The following RARRES1 variants were observed in gnomAD, a reference collection of about 807,000 sequenced individuals.
RARRES1 encodes retinoic acid receptor responder 1, also known as retinoic acid receptor responder protein 1.
Under a neutral mutation model 30.6 loss-of-function variants are expected in RARRES1, and 34 were observed. That is an observed-to-expected ratio of 1.11 (90% CI 0.84 to 1.48). RARRES1 has a LOEUF of 1.48. Ranked by LOEUF, RARRES1 falls within the 40% of genes most tolerant of loss-of-function variation. The pLI is 0.00. For synonymous variants in RARRES1, 153 were observed against 155.5 expected, an observed-to-expected ratio of 0.98 and a Z score of 0.12; for missense variants, 373 against 386.5, an observed-to-expected ratio of 0.97 and a Z score of 0.29.
intron 1 of RARRES1, among the ~76,000 whole-genome samples, chr3:158,727,340 G>A (rs1198603984): frequency 1.3e-5 from 2 of 152,196 alleles, no homozygotes; most frequent in African/African-American, 4.8e-5. Flanking sequence ...CTTTGATCAA[G>A]TGTTTAAAGT....
intron 1 of RARRES1, among the ~76,000 whole-genome samples, chr3:158,729,862 C>G (rs1023441820): frequency 6.6e-6 from 1 of 152,148 alleles, no homozygotes; most frequent in African/African-American, 2.4e-5. Context: ...AATCCTGCCC[C>G]TGGTAACCAG....
chr3:158,707,066 GGCTGAA>G (rs915843929), intron 3 of RARRES1, among the ~76,000 whole-genome samples: 2 of 152,156 alleles, frequency 1.3e-5, no homozygotes, highest in African/African-American at 4.8e-5. Flanking sequence ...ATACTCTGGA[GGCTGAA>G]GCAGGAGAAT....
intron 1 of RARRES1, among the ~76,000 whole-genome samples, chr3:158,729,729 G>C (rs1727810878): frequency 6.6e-6 from 1 of 152,100 alleles, no homozygotes; most frequent in Non-Finnish European, 1.5e-5. Flanking sequence ...TGAGATTACA[G>C]GCGTGAGCCA....
At chr3:158,707,913 A>C (rs1317781658) in intron 3 of RARRES1, among the ~76,000 whole-genome samples, 2 of 152,218 alleles carry the variant, frequency 1.3e-5, no homozygotes, top group East Asian at 1.9e-4. Flanking sequence ...GAGGATTTCC[A>C]GTACTCTTCA....
chr3:158,724,165 T>C (rs1727601888), intron 1 of RARRES1, among the ~76,000 whole-genome samples: 2 of 151,808 alleles, frequency 1.3e-5, no homozygotes, highest in South Asian at 4.2e-4. Context: ...AGACAGGAGG[T>C]GGGAGCAAGA....
intron 1 of RARRES1, among the ~76,000 whole-genome samples, chr3:158,722,922 C>T (rs912345120): frequency 6.6e-6 from 1 of 151,824 alleles, no homozygotes; most frequent in Non-Finnish European, 1.5e-5. Flanking sequence ...TTTAAACTCT[C>T]TCAAAACACC....
intron 4 of RARRES1, among the ~76,000 whole-genome samples, chr3:158,702,722 C>T (rs1239768696): frequency 6.6e-6 from 1 of 152,158 alleles, no homozygotes; most frequent in Non-Finnish European, 1.5e-5. Flanking sequence ...ATGTGGTTAT[C>T]TTGGTAGATG....
chr3:158,732,361 G>A lies in RARRES1; in HGVS notation c.55C>T (p.Arg19Cys). 3 of 1,465,674 alleles carry A rather than the reference G, an allele frequency of 2.0e-6. No homozygotes were observed. Among genetic ancestry groups the A allele is most frequent in the Non-Finnish European group, 2.7e-6 (3 of 1,115,660 alleles). 90.8% of individuals were successfully genotyped at this position (1,465,674 alleles called of 1,614,324 possible). A position where few individuals can be genotyped will look rare whatever the true frequency, so the allele number is the denominator to read the frequency against. ...AGCGCGAGCAGCGGGGCGGTGGGGC[G>A]CGGGCCCCTGGGCCCGGACCAGGGA... ...PAPWSGPRGP[R>C]PTAPLLALLL... The change falls in exon 1 of 6, where the codon CGC (arginine) becomes TGC (cysteine). Residue 19 changes from arginine (R) to cysteine (C), a missense_variant. Coordinates refer to ENST00000237696, the MANE Select transcript of RARRES1 (RefSeq NM_206963.2).
chr3:158,710,815 T>C lies in RARRES1; in HGVS notation c.458A>G (p.Lys153Arg). 1.2e-6 allele frequency: 2 copies of C among 1,613,962 alleles called. No individual in the cohort carries two copies. The highest frequency in any genetic ancestry group is 1.7e-6 in the Non-Finnish European group (2 of 1,179,812). ...VTCTRLIEKK[K>R]RQQEDYLLYK... is the part of the protein sequence containing the mutation. ...AAGCAGGTAATCCTCTTGTTGTCTT[T>C]TCTTTTTCTCGATGAGCCGTGTACA... The change falls in exon 3 of 6, where the codon AAA becomes AGA. Residue 153 changes from lysine (K) to arginine (R), a missense_variant. Lys to Arg is a conservative substitution (Grantham distance 26). Coordinates refer to ENST00000237696, the MANE Select transcript of RARRES1 (RefSeq NM_206963.2).
intron 1 of RARRES1, among the ~76,000 whole-genome samples, chr3:158,728,201 T>C (rs1727750422): frequency 6.9e-6 from 1 of 144,024 alleles, no homozygotes; most frequent in African/African-American, 2.6e-5. Context: ...TAGTCTATAC[T>C]ATTTCGTTTA....
intron 1 of RARRES1, among the ~76,000 whole-genome samples, chr3:158,714,280 G>A (rs1464776071): frequency 6.6e-6 from 1 of 152,206 alleles, no homozygotes; most frequent in Non-Finnish European, 1.5e-5. Context: ...AATGGGGGAT[G>A]CTGGCAACAA....
intron 4 of RARRES1, among the ~76,000 whole-genome samples, chr3:158,702,029 G>GTTTGT (rs1320058751): frequency 6.6e-5 from 10 of 151,970 alleles, no homozygotes; most frequent in South Asian, 2.1e-4. Flanking sequence ...ATTTGTTTTT[G>GTTTGT]TTTGTTTTGT....
chr3:158,710,714 GA>G (rs1404223884), intron 3 of RARRES1, 23 bp downstream of exon 3: 6 of 1,554,346 alleles, frequency 3.9e-6, no homozygotes, highest in Non-Finnish European at 5.3e-6. Flanking sequence ...CCTGAATATA[GA>G]AATTCCAAAT....
intron 3 of RARRES1, among the ~76,000 whole-genome samples, chr3:158,708,840 G>C (rs1006779162): frequency 6.6e-6 from 1 of 152,046 alleles, no homozygotes; most frequent in Admixed American, 6.6e-5. Context: ...CTATTTTTCA[G>C]TAGAGATGGG....
rs566131022 is a variant in RARRES1 at position 158,696,923 on chromosome 3, A to G, written c.*755T>C. Reference sequence around the variant, plus strand: ...TTGTAAATGAAAATTGTAAATATTTAATATACTTTCAGTTACATCAGTGTT... The same window carrying G: ...TTGTAAATGAAAATTGTAAATATTTGATATACTTTCAGTTACATCAGTGTT... On this transcript the variant is annotated 3_prime_UTR_variant, in exon 6 of 6. Coordinates refer to ENST00000237696, the MANE Select transcript of RARRES1 (RefSeq NM_206963.2). 1.1e-4 allele frequency: 17 copies of G among 152,372 alleles called. No individual in the cohort carries two copies. The highest frequency in any genetic ancestry group is 3.6e-4 in the African/African-American group (15 of 41,584). The allele number at this position is 152,372 out of a possible 1,614,324, so 9.4% of individuals were successfully genotyped here.
chr3:158,732,164 G>A lies in RARRES1; in HGVS notation c.252C>T (p.Ala84=). The change falls in exon 1 of 6, where the codon GCC becomes GCT. Residue 84 remains alanine (A), a synonymous_variant. Coordinates refer to ENST00000237696, the MANE Select transcript of RARRES1 (RefSeq NM_206963.2). ...CCCACGCGCGGCCCTCCTGCACCTC[G>A]GCCAGCACTCGTAGCGCGCTGGGCG... ...SGSPSALRVL[A]EVQEGRAWIN... is the part of the protein sequence containing the mutation. The A allele has an allele frequency of 7.1e-7, 1 of 1,409,470 alleles. No individual in the cohort carries two copies. The highest frequency in any genetic ancestry group is 9.2e-7 in the Non-Finnish European group (1 of 1,089,166). 87.3% of individuals were successfully genotyped at this position (1,409,470 alleles called of 1,614,324 possible).
chr3:158,732,024 G>T, intron 1 of RARRES1, 116 bp downstream of exon 1: 2 of 1,073,980 alleles, frequency 1.9e-6, no homozygotes, highest in East Asian at 3.3e-5. Context: ...CGTGCGCACT[G>T]CACCTTCCCT....
chr3:158,714,375 G>A (rs1052026532), intron 1 of RARRES1, among the ~76,000 whole-genome samples: 4 of 152,156 alleles, frequency 2.6e-5, no homozygotes, highest in Admixed American at 6.5e-5. Flanking sequence ...TGCTTGGCAC[G>A]AGGCGATCTC....
At position 158,732,164 on chromosome 3, in the gene RARRES1, G is replaced by T. The variant is rs914904519; in HGVS notation, c.252C>A (p.Ala84=). The T allele has an allele frequency of 2.8e-6, 4 of 1,409,360 alleles. No homozygotes were observed. The African/African-American group carries it at 4.5e-5, about 16-fold the overall frequency. The allele number at this position is 1,409,360 out of a possible 1,614,324, so 87.3% of individuals were successfully genotyped here. The change falls in exon 1 of 6, where the codon GCC becomes GCA. Residue 84 remains alanine, a synonymous_variant. Transcript: ENST00000237696. ...CCCACGCGCGGCCCTCCTGCACCTCGGCCAGCACTCGTAGCGCGCTGGGCG... is the reference window on the plus strand; with the variant it reads ...CCCACGCGCGGCCCTCCTGCACCTCTGCCAGCACTCGTAGCGCGCTGGGCG... ...SGSPSALRVL[A]EVQEGRAWIN...
Sources: allele counts gnomAD v4.1 joint callset (sites outside exome capture counted in the v4.1 genomes callset), GRCh38; gene constraint gnomAD v4.1.1; transcripts MANE v1.5; gene names NCBI Gene and HGNC (gene_info 2026-07-23, HGNC 2026-07-21).